Variants in TULP1 observed in about 807,000 individuals in gnomAD.
TULP1 encodes the protein tubby-related protein 1.
TULP1 carries 50 observed loss-of-function variants against 67.1 expected under a neutral mutation model. The ratio of observed to expected loss-of-function variants is 0.75; its 90% CI spans 0.59 to 0.94. The LOEUF (loss-of-function observed/expected upper bound fraction) is 0.94, where lower values mean the gene tolerates loss of function less well. Ranked by LOEUF, TULP1 falls within the 40% of genes least tolerant of loss-of-function variation. The pLI is 0.00. For synonymous variants in TULP1, 297 were observed against 294.0 expected, an observed-to-expected ratio of 1.01 and a Z score of -0.11; for missense variants, 746 against 734.1, an observed-to-expected ratio of 1.02 and a Z score of -0.19.
Position 35,500,019 on chromosome 6 carries a change from G to A in TULP1, c.1457C>T (p.Ala486Val). The change falls in exon 14 of 15, where the codon GCC becomes GTC. Residue 486 changes from alanine to valine, a missense_variant. This residue lies in a region of TULP1 where 383 missense variants were observed against 374.1 expected (regional missense o/e 1.02). Transcript: ENST00000229771. ...TLNFQGRVTQ[A>V]SVKNFQIVHA... ...GACAATCTGGAAGTTCTTGACTGAG[G>A]CCTGGGTGACCCGGCCTTGGAAGTT... The A allele has an allele frequency of 6.2e-7, 1 of 1,614,168 alleles. No individual in the cohort carries two copies. The highest frequency in any genetic ancestry group is 1.3e-5 in the African/African-American group (1 of 75,050).
At position 35,503,808 on chromosome 6, in the gene TULP1, C is replaced by A; in HGVS notation, c.1153G>T (p.Gly385Trp). The change falls in exon 12 of 15, where the codon GGG (glycine) becomes TGG (tryptophan). Residue 385 changes from glycine (G) to tryptophan (W), a missense_variant. This residue lies in a region of TULP1 where 383 missense variants were observed against 374.1 expected (regional missense o/e 1.02). Coordinates refer to ENST00000229771, the MANE Select transcript of TULP1 (RefSeq NM_003322.6). The surrounding 1 kb of genome is among the most constrained non-coding windows in gnomAD (Gnocchi z 4.0). ...LGNRFTVFDN[G>W]QNPQRGYSTN... ...CTGTACCCACGCTGTGGGTTCTGCC[C>A]GTTGTCAAAGACCGTGAAGCGGTTC... The A allele has an allele frequency of 6.2e-7, 1 of 1,612,936 alleles. No individual in the cohort carries two copies. Among genetic ancestry groups the A allele is most frequent in the Non-Finnish European group, 8.5e-7 (1 of 1,179,836 alleles).
chr6:35,511,941 C>T, intron 3 of TULP1, 135 bp from the exon 4 acceptor site: 1 of 1,001,286 alleles, frequency 1.0e-6, no homozygotes, highest in Non-Finnish European at 1.4e-6. Context: ...CTTGGGTTTC[C>T]ACTTTCAACA....
Position 35,512,200 on chromosome 6 carries a change from G to A in TULP1, c.170C>T (p.Ser57Phe). Residue 57 changes from serine (S) to phenylalanine (F), a missense_variant, in exon 3 of 15, where the codon TCC (serine) becomes TTC (phenylalanine). By Grantham distance (155) the Ser-to-Phe change is radical. Around this residue, in one of 3 missense-constraint regions of TULP1, gnomAD observed 359 missense variants for 341.9 expected, o/e 1.05. Transcript: ENST00000229771. Reference protein sequence around the residue: ...EAPESPCPTGSKPRKPGAGRT... With the variant: ...EAPESPCPTGFKPRKPGAGRT... ...CCCACCTCCGGGCTTCCGGGGCTTG[G>A]ATCCCGTGGGGCAGGGGGATTCGGG... 1 of 1,349,846 alleles carries A rather than the reference G, an allele frequency of 7.4e-7. No homozygotes were observed. Among genetic ancestry groups the A allele is most frequent in the South Asian group, 2.3e-5 (1 of 43,610 alleles). 83.6% of individuals were successfully genotyped at this position (1,349,846 alleles called of 1,614,324 possible).
At chr6:35,507,502 A>T (rs1761109867) in intron 8 of TULP1, among the ~76,000 whole-genome samples, 1 of 152,216 alleles carries the variant, frequency 6.6e-6, no homozygotes. Context: ...TTACATAGCA[A>T]TGCATAGTTA....
chr6:35,499,001 G>A (rs994299360), intron 14 of TULP1, among the ~76,000 whole-genome samples: 7 of 152,102 alleles, frequency 4.6e-5, no homozygotes, highest in South Asian at 2.1e-4. Context: ...TCAGGTGGAC[G>A]AGGCTCCACC....
chr6:35,512,162 G>T lies in TULP1; in HGVS notation c.190+18C>A, dbSNP rs568280769. 5.2e-6 allele frequency: 7 copies of T among 1,334,362 alleles called. No homozygotes were observed. In the Admixed American group the frequency reaches 1.1e-4, roughly 20 times the overall value. The allele number at this position is 1,334,362 out of a possible 1,614,324, so 82.7% of individuals were successfully genotyped here. Reference sequence around the variant, plus strand: ...GCCCACACCCTGGGGGTCCACCCGGGCTCTGCACCCCGCCCACCTCCGGGC... The same window carrying T: ...GCCCACACCCTGGGGGTCCACCCGGTCTCTGCACCCCGCCCACCTCCGGGC... On this transcript the variant is annotated intron_variant, in intron 3 of 14. Coordinates refer to ENST00000229771, the MANE Select transcript of TULP1 (RefSeq NM_003322.6).
chr6:35,499,039 C>A (rs1203677966), intron 14 of TULP1, among the ~76,000 whole-genome samples: 1 of 152,342 alleles, frequency 6.6e-6, no homozygotes, highest in Middle Eastern at 3.4e-3. Flanking sequence ...AGCAGTCCCA[C>A]AGCCACAGGA....
At position 35,506,098 on chromosome 6, in the gene TULP1, C is replaced by T. The variant is rs765321084; in HGVS notation, c.904G>A (p.Gly302Ser). Residue 302 changes from glycine (G) to serine (S), a missense_variant, in exon 10 of 15, where the codon GGC becomes AGC. Transcript: ENST00000229771. ...GTCAGCCGGCAGCGCACCGTGCGGC[C>T]CTGGGGGGCAGGCCGGAGCACAAAC... is the stretch of plus-strand genomic sequence containing the variant. ...REFVLRPAPQ[G>S]RTVRCRLTRD... 17 of 1,613,558 alleles carry T rather than the reference C, an allele frequency of 1.1e-5. No individual in the cohort carries two copies. The East Asian group carries it at 3.8e-4, about 36-fold the overall frequency.
At position 35,503,536 on chromosome 6, in the gene TULP1, G is replaced by T; in HGVS notation, c.1323+23C>A. 6.4e-7 allele frequency: 1 copy of T among 1,551,976 alleles called. No homozygotes were observed. Among genetic ancestry groups the T allele is most frequent in the Non-Finnish European group, 8.7e-7 (1 of 1,146,658 alleles). ...CCTGTTTCTCACATAGGGAGCCAGG[G>T]GCCAGGGAGGTGCGGGGCTCACATT... On this transcript the variant is annotated intron_variant, in intron 13 of 14. Transcript: ENST00000229771. This position sits in a 1 kb window ranked among gnomAD's most constrained non-coding sequence, Gnocchi z 4.0.
At chr6:35,512,075 C>T in intron 3 of TULP1, 105 bp downstream of exon 3, 1 of 594,912 alleles carries the variant, frequency 1.7e-6, no homozygotes. Context: ...GCCCCCTCCT[C>T]CCCCACCCCG....
Position 35,509,690 on chromosome 6 carries a change from G to A in TULP1, c.662C>T (p.Ala221Val), listed in dbSNP as rs750999216. 5 of 1,614,120 alleles carry A rather than the reference G, an allele frequency of 3.1e-6. No homozygotes were observed. In the South Asian group the frequency reaches 5.5e-5, roughly 18 times the overall value. Residue 221 changes from alanine to valine, a missense_variant, in exon 7 of 15, where the codon GCA (alanine) becomes GTA (valine). Around this residue, in one of 3 missense-constraint regions of TULP1, gnomAD observed 359 missense variants for 341.9 expected, o/e 1.05. Transcript: ENST00000229771. The stretch of plus-strand genomic sequence containing the variant: ...GCCTTCCCCAACCAGAAACATGGCT[G>A]CTGGGCTCTTCCTCGCACTGGCTGG... Reference protein sequence around the residue: ...GSPASARKSPAAMFLVGEGSP... With the variant: ...GSPASARKSPVAMFLVGEGSP...
intron 8 of TULP1, 84 bp downstream of exon 8, chr6:35,509,125 C>A: frequency 8.0e-7 from 1 of 1,243,258 alleles, no homozygotes; most frequent in Non-Finnish European, 1.2e-6. Context: ...TGGCTCCAAG[C>A]CCCCACCCTC....
At position 35,502,174 on chromosome 6, in the gene TULP1, TC is replaced by T. The variant is rs1304179334; in HGVS notation, c.1323+1384del. On this transcript the variant is annotated intron_variant, in intron 13 of 14. Coordinates refer to ENST00000229771, the MANE Select transcript of TULP1 (RefSeq NM_003322.6). Reference sequence around the variant, plus strand: ...TTGACTTTTTTCTTTTTAAATTTTTTCTTTTTATTTTTTATTATTTATTTAT... The same window carrying T: ...TTGACTTTTTTCTTTTTAAATTTTTTTTTTTATTTTTTATTATTTATTTAT... 1.1e-4 allele frequency among the ~76,000 whole-genome samples: 16 copies of T among 152,114 alleles called. No individual in the cohort carries two copies. The East Asian group carries it at 2.7e-3, about 26-fold the overall frequency.
Position 35,507,739 on chromosome 6 carries a change from C to T in TULP1, c.823-1460G>A, listed in dbSNP as rs59224698. Among the ~76,000 whole-genome samples the T allele has an allele frequency of 8.1e-4, 123 of 152,290 alleles. 4 individuals carry two copies. The East Asian group carries it at 0.022, about 27-fold the overall frequency. On this transcript the variant is annotated intron_variant, in intron 8 of 14. Transcript: ENST00000229771. ...CATGGACTGCCAGCCTGGGTGTGTG[C>T]ATTTGAGGGTTCAATGCTATTTGGG...
chr6:35,509,497 A>G, intron 7 of TULP1, 137 bp downstream of exon 7: 1 of 1,077,202 alleles, frequency 9.3e-7, no homozygotes. Flanking sequence ...GGGGGTCAAG[A>G]TGCCCTGCAC....
Position 35,506,142 on chromosome 6 carries a change from T to A in TULP1, c.860A>T (p.Glu287Val). The change falls in exon 10 of 15, where the codon GAG (glutamate) becomes GTG (valine). Residue 287 changes from glutamate to valine, a missense_variant. Physicochemically the swap from Glu to Val is moderately radical, Grantham distance 121 (BLOSUM62 -2). Coordinates refer to ENST00000229771, the MANE Select transcript of TULP1 (RefSeq NM_003322.6). The stretch of plus-strand genomic sequence containing the variant: ...CACAAACTCCCGGGGTTCGTCCACC[T>A]CCACGGGGGGAGACGGGGCCCTCTC... ...KEERAPSPPV[E>V]VDEPREFVLR... 6.2e-7 allele frequency: 1 copy of A among 1,613,512 alleles called. No individual in the cohort carries two copies. Among genetic ancestry groups the A allele is most frequent in the Non-Finnish European group, 8.5e-7 (1 of 1,179,898 alleles).
At chr6:35,505,966 C>T (rs1351165628) in intron 10 of TULP1, 37 bp downstream of exon 10, 1 of 1,614,164 alleles carries the variant, frequency 6.2e-7, no homozygotes, top group Admixed American at 1.7e-5. Context: ...TGCCGGATCC[C>T]TCCACACTCC....
At position 35,503,674 on chromosome 6, in the gene TULP1, T is replaced by C. The variant is rs750669455; in HGVS notation, c.1225-17A>G. 9 of 1,597,744 alleles carry C rather than the reference T, an allele frequency of 5.6e-6. No individual in the cohort carries two copies. The South Asian group carries it at 9.1e-5, about 16-fold the overall frequency. On this transcript the variant is annotated splice_polypyrimidine_tract_variant and intron_variant, in intron 12 of 14. Transcript: ENST00000229771. This position sits in a 1 kb window ranked among gnomAD's most constrained non-coding sequence, Gnocchi z 4.0. ...GTTGGTTTCCTGGGAAGGAAACAGATGCCTGTGAGGCCAGCCCCTGTAAGG... is the reference window on the plus strand; with the variant it reads ...GTTGGTTTCCTGGGAAGGAAACAGACGCCTGTGAGGCCAGCCCCTGTAAGG...
chr6:35,504,346 A>G (rs1393463216), intron 11 of TULP1, among the ~76,000 whole-genome samples: 1 of 152,058 alleles, frequency 6.6e-6, no homozygotes, highest in Non-Finnish European at 1.5e-5. Flanking sequence ...CCCAGTCTCC[A>G]AAACAAAACA....
Sources: allele counts gnomAD v4.1 joint callset (sites outside exome capture counted in the v4.1 genomes callset), GRCh38; gene constraint gnomAD v4.1.1; regional missense constraint gnomAD v4.1.1; non-coding constraint Gnocchi (gnomAD v3.1); transcripts MANE v1.5; gene names NCBI Gene and HGNC (gene_info 2026-07-23, HGNC 2026-07-21).